Variants in PUS7 observed in about 807,000 individuals in gnomAD.
PUS7 encodes pseudouridine synthase 7.
PUS7 carries 48 observed loss-of-function variants against 79.8 expected under a neutral mutation model. That is an observed-to-expected ratio of 0.60 (90% CI 0.48 to 0.76). The LOEUF (loss-of-function observed/expected upper bound fraction) is 0.76. Among genes scored for constraint, PUS7 ranks in the 30% least tolerant of loss-of-function variants. The pLI is 0.00. For synonymous variants in PUS7, 286 were observed against 272.2 expected (o/e 1.05, Z -0.50); for missense variants, 729 against 797.6 (o/e 0.91, Z 1.04).
intron 1 of PUS7, among the ~76,000 whole-genome samples, chr7:105,513,120 C>T (rs73190156): frequency 0.14 from 20,902 of 152,172 alleles, 1,868 homozygotes; most frequent in South Asian, 0.26. Context: ...AGACGATCTG[C>T]GGGCACTCAT....
At position 105,482,444 on chromosome 7, in the gene PUS7, TAA is replaced by T. The variant is rs57080279; in HGVS notation, c.921-6_921-5del. On this transcript the variant is annotated splice_region_variant and splice_polypyrimidine_tract_variant and intron_variant, in intron 7 of 15. Transcript: ENST00000469408. ...GGCAAGTCTTTGTGCAGTTATTCTT[TAA>T]AAAAAAAAAAAAAAGCAACAAAACA... 0.04 allele frequency: 54,832 copies of T among 1,385,908 alleles called. 53 individuals are homozygous for T. The highest frequency in any genetic ancestry group is 0.053 in the South Asian group (4,083 of 77,120). The allele number at this position is 1,385,908 out of a possible 1,614,324, so 85.9% of individuals were successfully genotyped here.
At chr7:105,467,666 C>T (rs965612877) in intron 12 of PUS7, among the ~76,000 whole-genome samples, 2 of 151,816 alleles carry the variant, frequency 1.3e-5, no homozygotes, top group Admixed American at 6.6e-5. Context: ...ATCGAAGTTT[C>T]GAAAGTGATT....
intron 9 of PUS7, among the ~76,000 whole-genome samples, chr7:105,479,256 A>C (rs1016365727): frequency 2.0e-5 from 3 of 152,180 alleles, no homozygotes; most frequent in Admixed American, 2.0e-4. Context: ...CTCCTCAAAG[A>C]GGCAGAGGAA....
intron 5 of PUS7, among the ~76,000 whole-genome samples, chr7:105,498,377 G>A (rs1054062290): frequency 3.9e-5 from 6 of 152,180 alleles, no homozygotes; most frequent in Non-Finnish European, 8.8e-5. Context: ...ATAACTTGCA[G>A]ACATTTTTGA....
intron 7 of PUS7, among the ~76,000 whole-genome samples, chr7:105,490,055 G>C (rs1038602871): frequency 6.6e-6 from 1 of 150,680 alleles, no homozygotes; most frequent in Non-Finnish European, 1.5e-5. Context: ...GGAGGTGGAA[G>C]TTGCAGTAAG....
intron 12 of PUS7, among the ~76,000 whole-genome samples, chr7:105,466,417 C>G (rs932544703): frequency 6.6e-6 from 1 of 151,738 alleles, no homozygotes; most frequent in Non-Finnish European, 1.5e-5. Flanking sequence ...GCTACTACGC[C>G]TGGTTAGTTT....
chr7:105,491,005 G>C (rs1824759091), intron 7 of PUS7, among the ~76,000 whole-genome samples: 1 of 152,216 alleles, frequency 6.6e-6, no homozygotes, highest in Non-Finnish European at 1.5e-5. Flanking sequence ...TGGAGAGGTT[G>C]AGAAGCCTTG....
chr7:105,511,340 C>G (rs1825694429), intron 1 of PUS7, among the ~76,000 whole-genome samples: 1 of 151,188 alleles, frequency 6.6e-6, no homozygotes. Flanking sequence ...GCCCCATTCC[C>G]GTTTAAACAT....
In PUS7 at chr7:105,462,603, T is replaced by A; in HGVS notation, c.1757+18A>T. 1 of 1,613,000 alleles carries A rather than the reference T, an allele frequency of 6.2e-7. No individual in the cohort carries two copies. Among genetic ancestry groups the A allele is most frequent in the South Asian group, 1.1e-5 (1 of 90,984 alleles). The stretch of plus-strand genomic sequence containing the variant: ...TATATGGTAATTCAGTTCTATCTCA[T>A]TCTAGATGATTACTCACCAGCTAAC... On this transcript the variant is annotated intron_variant, in intron 14 of 15. Coordinates refer to ENST00000469408, the MANE Select transcript of PUS7 (RefSeq NM_019042.5).
At chr7:105,497,825 T>C (rs556219962) in intron 5 of PUS7, among the ~76,000 whole-genome samples, 140 of 152,304 alleles carry the variant, frequency 9.2e-4, no homozygotes, top group Non-Finnish European at 1.6e-3. Flanking sequence ...CAACAGAATG[T>C]TGATAATCTT....
rs1586102308 is a variant in PUS7, at chr7:105,470,692, C to T, written c.1394G>A (p.Gly465Asp). 1 of 1,585,368 alleles carries T rather than the reference C, an allele frequency of 6.3e-7. No individual in the cohort carries two copies. The highest frequency in any genetic ancestry group is 8.6e-7 in the Non-Finnish European group (1 of 1,161,086). Residue 465 changes from glycine to aspartate, a missense_variant, in exon 11 of 16, where the codon GGC (glycine) becomes GAC (aspartate). Transcript: ENST00000469408. The stretch of plus-strand genomic sequence containing the variant: ...GACTTCACAAATTGCACTCACTATG[C>T]CAAATGCAGAGACTATATTCTTCAT... ...YGMKNIVSAF[G>D]IIPRNNRLMY...
At chr7:105,462,541 C>T (rs1823474569) in intron 14 of PUS7, 80 bp downstream of exon 14, 1 of 1,505,538 alleles carries the variant, frequency 6.6e-7, no homozygotes, top group Non-Finnish European at 9.1e-7. Flanking sequence ...TTGTGCAGTA[C>T]ATGACTCTAT....
chr7:105,468,196 G>A (rs997431134), intron 12 of PUS7, 141 bp downstream of exon 12: 3 of 1,131,476 alleles, frequency 2.7e-6, no homozygotes, highest in Non-Finnish European at 3.7e-6. Flanking sequence ...GCCACCCAAA[G>A]TGTCAGGATT....
At chr7:105,461,625 C>T (rs141724192) in intron 14 of PUS7, among the ~76,000 whole-genome samples, 32 of 152,306 alleles carry the variant, frequency 2.1e-4, no homozygotes, top group South Asian at 2.1e-4. Flanking sequence ...CACTTAGATG[C>T]TAGGTTGTAA....
chr7:105,459,296 A>G, intron 14 of PUS7, 37 bp from the exon 15 acceptor site: 1 of 1,404,302 alleles, frequency 7.1e-7, no homozygotes. Context: ...TGTGAATGTG[A>G]ACTTTCATAA....
intron 7 of PUS7, among the ~76,000 whole-genome samples, chr7:105,489,686 T>C (rs1189446881): frequency 6.6e-6 from 1 of 152,092 alleles, no homozygotes; most frequent in Non-Finnish European, 1.5e-5. Flanking sequence ...GGAATAAACA[T>C]TACGATACAA....
At position 105,488,423 on chromosome 7, in the gene PUS7, TTC is replaced by T. The variant is rs556752858; in HGVS notation, c.920+3115_920+3116del. Among the ~76,000 whole-genome samples the T allele has an allele frequency of 3.9e-5, 6 of 152,208 alleles. No homozygotes were observed. The East Asian group carries it at 1.2e-3, about 29-fold the overall frequency. ...TATTAAAAAAAAAGAGAGAGAGAAT[TTC>T]TCTGTGTTTTGACCAGCAGATGGAA... On this transcript the variant is annotated intron_variant, in intron 7 of 15. Coordinates refer to ENST00000469408, the MANE Select transcript of PUS7 (RefSeq NM_019042.5).
Position 105,462,758 on chromosome 7 carries a change from A to G in PUS7, c.1628-8T>C, listed in dbSNP as rs1451276455. 3.7e-6 allele frequency: 6 copies of G among 1,604,462 alleles called. No homozygotes were observed. On this transcript the variant is annotated splice_polypyrimidine_tract_variant and splice_region_variant and intron_variant, in intron 13 of 15. Transcript: ENST00000469408. ...CCCTGTAGGCTTCTTGAACTAATAT[A>G]AAATACAAAAAGTTAGTTGAAATGC... is the stretch of plus-strand genomic sequence containing the variant.
At chr7:105,512,071 G>A (rs1170179261) in intron 1 of PUS7, among the ~76,000 whole-genome samples, 1 of 143,172 alleles carries the variant, frequency 7.0e-6, no homozygotes, top group Non-Finnish European at 1.5e-5. Flanking sequence ...CTTGAACCTG[G>A]GAGGCGGACG....
Sources: gnomAD v4.1 joint callset for allele counts (sites outside exome capture counted in the v4.1 genomes callset) on GRCh38, gnomAD v4.1.1 for gene constraint, MANE v1.5 for transcripts, NCBI Gene and HGNC (gene_info 2026-07-23, HGNC 2026-07-21) for gene names.